The following TMEM217 variants were observed in gnomAD, a reference collection of about 807,000 sequenced individuals.
TMEM217 encodes the protein chromosome 6 open reading frame 128.
For synonymous variants in TMEM217, 76 were observed against 88.3 expected, an observed-to-expected ratio of 0.86 and a Z score of 0.78; for missense variants, 204 against 248.8, an observed-to-expected ratio of 0.82 and a Z score of 1.21.
downstream of TMEM217, among the ~76,000 whole-genome samples, chr6:37,216,823 G>A (rs1439917574): frequency 6.6e-6 from 1 of 152,162 alleles, no homozygotes; most frequent in Non-Finnish European, 1.5e-5. Flanking sequence ...GGGACAGGAG[G>A]GAACTAGCTA....
At chr6:37,212,298 G>A (rs993962486) in exon 4 of TMEM217, 12 of 353,410 alleles carry the variant, frequency 3.4e-5, no homozygotes, top group Non-Finnish European at 5.6e-5. Flanking sequence ...TCCTCAGTGC[G>A]TAAAACTCAA....
intron 1 of TMEM217, among the ~76,000 whole-genome samples, chr6:37,243,349 G>T (rs1300642830): frequency 6.6e-6 from 1 of 152,142 alleles, no homozygotes; most frequent in Non-Finnish European, 1.5e-5. Context: ...CCTGAGAATG[G>T]ATTGAAAGGG....
At chr6:37,222,521 G>A (rs12212245) in intron 1 of TMEM217, among the ~76,000 whole-genome samples, 1 of 152,172 alleles carries the variant, frequency 6.6e-6, no homozygotes, top group South Asian at 2.1e-4. Flanking sequence ...CCGCTAACTC[G>A]AAAGGGGCGG....
chr6:37,218,328 C>G (rs1763331184), exon 2 of TMEM217: 1 of 1,201,108 alleles, frequency 8.3e-7, no homozygotes, highest in Non-Finnish European at 1.1e-6. Flanking sequence ...GCCGCCACGC[C>G]TGGCTAATTT....
exon 1 of TMEM217, chr6:37,257,702 C>T: frequency 7.3e-6 from 4 of 545,522 alleles, no homozygotes; most frequent in South Asian, 4.6e-5. Flanking sequence ...GATTCCGGCT[C>T]CCAATTGGTC....
At chr6:37,258,097 C>A in exon 1 of TMEM217, 1 of 1,110,210 alleles carries the variant, frequency 9.0e-7, no homozygotes, top group Non-Finnish European at 1.3e-6. Flanking sequence ...GCTGGGACTG[C>A]CTGGTGGCGG....
rs752309822 is a variant in TMEM217, at chr6:37,219,048, A to C, written c.-11-7T>G. 6.2e-7 allele frequency: 1 copy of C among 1,605,152 alleles called. No homozygotes were observed. Among genetic ancestry groups the C allele is most frequent in the East Asian group, 2.2e-5 (1 of 44,728 alleles). On this transcript the variant is annotated splice_polypyrimidine_tract_variant and splice_region_variant and intron_variant, in intron 1 of 1. Transcript: ENST00000357219. ...TGTTTCATGCTGAGACCTCCTGTGA[A>C]GACAAACAACATGAGGGAGAATTCT...
intron 1 of TMEM217, among the ~76,000 whole-genome samples, chr6:37,229,349 T>TTTTTG (rs1562010377): frequency 1.5e-5 from 2 of 134,792 alleles, no homozygotes; most frequent in Non-Finnish European, 3.2e-5. Context: ...TTTTTTTTTT[T>TTTTTG]TTTTTTTTTT....
exon 4 of TMEM217, chr6:37,212,297 C>A (rs539701074): frequency 1.3e-4 from 45 of 353,924 alleles, no homozygotes; most frequent in Non-Finnish European, 2.5e-4. Flanking sequence ...TTCCTCAGTG[C>A]GTAAAACTCA....
At chr6:37,218,459 G>A in exon 2 of TMEM217, 2 of 1,612,858 alleles carry the variant, frequency 1.2e-6, no homozygotes, top group Non-Finnish European at 8.5e-7. Flanking sequence ...TTCCAGGTGT[G>A]AGCCACTGAA....
rs184914769 is a variant in TMEM217, at chr6:37,224,060, C to T, written c.-11-5019G>A. 2.8e-3 allele frequency among the ~76,000 whole-genome samples: 430 copies of T among 151,618 alleles called. 2 individuals are homozygous for T. The highest frequency in any genetic ancestry group is 7.4e-3 in the African/African-American group (307 of 41,338). On this transcript the variant is annotated intron_variant, in intron 1 of 1. Transcript: ENST00000357219. ...CAAGCGATTCTCCTGCCTCAGCCTCCCGAGTAGCTGGGACTACAGGCGCCC... is the reference window on the plus strand; with the variant it reads ...CAAGCGATTCTCCTGCCTCAGCCTCTCGAGTAGCTGGGACTACAGGCGCCC...
intron 1 of TMEM217, among the ~76,000 whole-genome samples, chr6:37,252,877 T>A (rs1177233103): frequency 6.6e-6 from 1 of 151,816 alleles, no homozygotes; most frequent in African/African-American, 2.4e-5. Context: ...TGAGCTCAAG[T>A]GATCCACCTG....
intron 1 of TMEM217, among the ~76,000 whole-genome samples, chr6:37,222,243 G>C (rs894303894): frequency 6.6e-6 from 1 of 152,208 alleles, no homozygotes; most frequent in African/African-American, 2.4e-5. Context: ...GGCTCTCCCT[G>C]GCCTGAGGGT....
intron 1 of TMEM217, among the ~76,000 whole-genome samples, chr6:37,240,676 G>A (rs1295282603): frequency 1.3e-5 from 2 of 152,068 alleles, no homozygotes; most frequent in African/African-American, 2.4e-5. Flanking sequence ...ACTTGAGGCC[G>A]GCTATCACAT....
intron 1 of TMEM217, among the ~76,000 whole-genome samples, chr6:37,237,239 C>G (rs1024165573): frequency 6.6e-6 from 1 of 152,238 alleles, no homozygotes; most frequent in Middle Eastern, 3.4e-3. Flanking sequence ...ATCAAAGTTC[C>G]CGCATTTGCC....
intron 1 of TMEM217, among the ~76,000 whole-genome samples, chr6:37,248,216 CA>C (rs1457201316): frequency 2.6e-5 from 4 of 152,044 alleles, no homozygotes; most frequent in African/African-American, 9.7e-5. Context: ...ACTTACTAAC[CA>C]GACTCCTCTA....
chr6:37,252,805 A>AT (rs1310698188), intron 1 of TMEM217, among the ~76,000 whole-genome samples: 6 of 151,222 alleles, frequency 4.0e-5, no homozygotes, highest in African/African-American at 1.2e-4. Context: ...CACTCCACTA[A>AT]TTTTTTGTAT....
chr6:37,232,131 A>T (rs374726140), intron 1 of TMEM217, among the ~76,000 whole-genome samples: 15 of 152,172 alleles, frequency 9.9e-5, no homozygotes, highest in Non-Finnish European at 1.5e-4. Flanking sequence ...AATGGAATTT[A>T]TTCTTAAATC....
In TMEM217 at chr6:37,257,839, C is replaced by T. The variant is rs1386930601; in HGVS notation, c.-283G>A. The stretch of plus-strand genomic sequence containing the variant: ...GCGGCGGGGAAGCGGCCTGGGTTGG[C>T]CCTCAGATTGCGGGGTCTGGGGGCA... On this transcript the variant is annotated 5_prime_UTR_variant, in exon 1 of 2. Coordinates refer to ENST00000357219, the Ensembl canonical transcript of TMEM217. The T allele has an allele frequency of 1.9e-5, 29 of 1,519,116 alleles. No homozygotes were observed. In the East Asian group the frequency reaches 5.2e-4, roughly 27 times the overall value. 94.1% of individuals were successfully genotyped at this position (1,519,116 alleles called of 1,614,324 possible). A position where few individuals can be genotyped will look rare whatever the true frequency, so the allele number is the denominator to read the frequency against.
Sources: allele counts gnomAD v4.1 joint callset (sites outside exome capture counted in the v4.1 genomes callset), GRCh38; gene constraint gnomAD v4.1.1; transcripts MANE v1.5; gene names NCBI Gene and HGNC (gene_info 2026-07-23, HGNC 2026-07-21).